Variants in XXYLT1 observed in about 807,000 individuals in gnomAD.
The protein encoded by XXYLT1 is UDP-xylose:alpha-xyloside alpha-1,3-xylosyltransferase.
A neutral mutation model predicts 28.9 loss-of-function variants in XXYLT1; 20 were observed. The observed-to-expected ratio is 0.69, with a 90% CI of 0.49 to 1.00. The LOEUF (loss-of-function observed/expected upper bound fraction) is 1.00, where lower values mean the gene tolerates loss of function less well. XXYLT1 is among the 50% of genes least tolerant of loss of function. The probability of loss-of-function intolerance (pLI) is 0.00; values close to 1 mark genes in which losing one functional copy is unlikely to be tolerated. For missense variants in XXYLT1, 542 were observed against 560.1 expected (o/e 0.97, Z 0.33); for synonymous variants, 257 against 253.8 (o/e 1.01, Z -0.12).
intron 1 of XXYLT1, among the ~76,000 whole-genome samples, chr3:195,238,543 A>G (rs148342655): frequency 6.6e-6 from 1 of 152,204 alleles, no homozygotes; most frequent in Non-Finnish European, 1.5e-5. Context: ...CAGGTTTGCT[A>G]AACTAAGTGA....
chr3:195,120,144 G>C (rs967937961), intron 3 of XXYLT1, among the ~76,000 whole-genome samples: 6 of 152,178 alleles, frequency 3.9e-5, no homozygotes, highest in African/African-American at 1.4e-4. Flanking sequence ...CAGGTTCCAC[G>C]GACAAGATGA....
At chr3:195,110,306 A>ATAAG (rs755666099) in intron 3 of XXYLT1, among the ~76,000 whole-genome samples, 1,941 of 5,556 alleles carry the variant, frequency 0.35, 27 homozygotes, top group Non-Finnish European at 0.37. Flanking sequence ...TGTGTGGTAT[A>ATAAG]TGTGTGTGTG....
chr3:195,214,573 G>A (rs533780700), intron 2 of XXYLT1, among the ~76,000 whole-genome samples: 55 of 152,162 alleles, frequency 3.6e-4, no homozygotes, highest in Admixed American at 1.7e-3. Context: ...ATCTACATAC[G>A]GCATCCACAA....
chr3:195,089,107 A>G (rs1715984464), intron 3 of XXYLT1, among the ~76,000 whole-genome samples: 3 of 150,586 alleles, frequency 2.0e-5, no homozygotes, highest in Admixed American at 2.0e-4. Flanking sequence ...ACTCTGCAGG[A>G]TATTATCCAG....
chr3:195,183,537 G>A (rs1217049422), intron 2 of XXYLT1: 11 of 152,204 alleles, frequency 7.2e-5, no homozygotes, highest in Admixed American at 3.3e-4. Context: ...GTCTCCCACT[G>A]AACTCTTGGG....
intron 1 of XXYLT1, among the ~76,000 whole-genome samples, chr3:195,232,769 A>G (rs115404174): frequency 6.6e-6 from 1 of 152,266 alleles, no homozygotes; most frequent in African/African-American, 2.4e-5. Flanking sequence ...GTTTTTTGGA[A>G]TGTTTTAAGA....
chr3:195,179,471 T>C (rs1721840695), intron 2 of XXYLT1, among the ~76,000 whole-genome samples: 1 of 152,100 alleles, frequency 6.6e-6, no homozygotes, highest in African/African-American at 2.4e-5. Flanking sequence ...TTCAATACTC[T>C]GACCAGAAAA....
intron 3 of XXYLT1, among the ~76,000 whole-genome samples, chr3:195,086,655 G>C (rs757854042): frequency 2.6e-5 from 4 of 152,156 alleles, no homozygotes; most frequent in Non-Finnish European, 4.4e-5. Flanking sequence ...AGGTCACTCT[G>C]GCTGGGTGGG....
At chr3:195,081,267 T>C (rs1715418234) in intron 3 of XXYLT1, among the ~76,000 whole-genome samples, 1 of 151,928 alleles carries the variant, frequency 6.6e-6, no homozygotes, top group African/African-American at 2.4e-5. Context: ...TGAAAGCCAC[T>C]GAGTTATTTT....
chr3:195,072,119 A>G (rs1205416536), intron 3 of XXYLT1, among the ~76,000 whole-genome samples: 2 of 152,132 alleles, frequency 1.3e-5, no homozygotes, highest in African/African-American at 4.8e-5. Context: ...CAGCAGGGCC[A>G]CAGGAAAGAT....
intron 2 of XXYLT1, among the ~76,000 whole-genome samples, chr3:195,192,279 G>A (rs1323974583): frequency 3.3e-5 from 5 of 152,082 alleles, no homozygotes; most frequent in East Asian, 3.9e-4. Context: ...ACAAAAATTC[G>A]CCAGGTGTGG....
intron 2 of XXYLT1, among the ~76,000 whole-genome samples, chr3:195,194,971 C>T (rs984179964): frequency 1.3e-5 from 2 of 152,186 alleles, no homozygotes; most frequent in African/African-American, 2.4e-5. Context: ...GTTCTAACAC[C>T]GAATTGTGGT....
intron 2 of XXYLT1, among the ~76,000 whole-genome samples, chr3:195,156,832 G>A (rs1029615946): frequency 6.6e-6 from 1 of 152,026 alleles, no homozygotes; most frequent in Non-Finnish European, 1.5e-5. Context: ...AAAACTAGGC[G>A]ACCACACGCT....
chr3:195,112,646 C>T (rs943699678), intron 3 of XXYLT1, among the ~76,000 whole-genome samples: 1 of 149,366 alleles, frequency 6.7e-6, no homozygotes, highest in Non-Finnish European at 1.5e-5. Context: ...CATGCACACA[C>T]GCAGCTCCCA....
At chr3:195,177,062 C>A (rs1026660641) in intron 2 of XXYLT1, among the ~76,000 whole-genome samples, 2 of 152,232 alleles carry the variant, frequency 1.3e-5, no homozygotes, top group Admixed American at 1.3e-4. Flanking sequence ...GGGAAGGGTG[C>A]TACTCATAAA....
At chr3:195,162,267 G>A (rs1720911182) in intron 2 of XXYLT1, among the ~76,000 whole-genome samples, 1 of 152,198 alleles carries the variant, frequency 6.6e-6, no homozygotes, top group South Asian at 2.1e-4. Flanking sequence ...CTCCTGGGCA[G>A]CCAGGATACG....
At chr3:195,116,427 C>T (rs1718046521) in intron 3 of XXYLT1, among the ~76,000 whole-genome samples, 1 of 152,072 alleles carries the variant, frequency 6.6e-6, no homozygotes, top group African/African-American at 2.4e-5. Flanking sequence ...GTTTCTGGTC[C>T]ATGAACTACA....
intron 3 of XXYLT1, among the ~76,000 whole-genome samples, chr3:195,103,616 C>T (rs560741101): frequency 5.2e-4 from 79 of 152,348 alleles, no homozygotes; most frequent in African/African-American, 1.6e-3. Context: ...CATTCACTGT[C>T]GCTGTGCCTT....
intron 3 of XXYLT1, among the ~76,000 whole-genome samples, chr3:195,112,373 G>A (rs1351697106): frequency 2.6e-5 from 4 of 152,144 alleles, no homozygotes; most frequent in Non-Finnish European, 4.4e-5. Context: ...GGGCCATCGA[G>A]CCCACCCACC....
Sources: allele counts gnomAD v4.1 joint callset (sites outside exome capture counted in the v4.1 genomes callset), GRCh38; gene constraint gnomAD v4.1.1; transcripts MANE v1.5; gene names NCBI Gene and HGNC (gene_info 2026-07-23, HGNC 2026-07-21).